Variants in SPATS2 observed in about 807,000 individuals in gnomAD.
SPATS2 encodes the protein spermatogenesis associated serine rich 2.
Under a neutral mutation model 63.7 loss-of-function variants are expected in SPATS2, and 38 were observed. That is an observed-to-expected ratio of 0.60 (90% CI 0.46 to 0.78). The LOEUF is 0.78. Among genes scored for constraint, SPATS2 ranks in the 30% least tolerant of loss-of-function variants. The pLI is 0.00. For synonymous variants in SPATS2, 207 were observed against 232.9 expected, an observed-to-expected ratio of 0.89 and a Z score of 1.01; for missense variants, 588 against 666.2, an observed-to-expected ratio of 0.88 and a Z score of 1.29.
chr12:49,451,811 A>G lies in SPATS2; in HGVS notation c.-243-8959A>G, dbSNP rs527539180. Among the ~76,000 whole-genome samples the G allele has an allele frequency of 1.7e-4, 26 of 152,356 alleles. 1 individual carries two copies. In the South Asian group the frequency reaches 5.2e-3, roughly 30 times the overall value. ...TTCTTGTAAGTCAGGTTTGCAAGCAATGGATTCTCTGTAAGTCTTTGAAAT... is the reference window on the plus strand; with the variant it reads ...TTCTTGTAAGTCAGGTTTGCAAGCAGTGGATTCTCTGTAAGTCTTTGAAAT... On this transcript the variant is annotated intron_variant, in intron 2 of 13. Coordinates refer to ENST00000552918, the MANE Select transcript of SPATS2 (RefSeq NM_023071.4).
chr12:49,485,292 A>C (rs1946272176), intron 4 of SPATS2, among the ~76,000 whole-genome samples: 1 of 151,754 alleles, frequency 6.6e-6, no homozygotes. Flanking sequence ...CTGACCTCGT[A>C]ATCTGCCCAC....
At chr12:49,432,645 A>G (rs1359852746) in intron 2 of SPATS2, among the ~76,000 whole-genome samples, 1 of 152,138 alleles carries the variant, frequency 6.6e-6, no homozygotes, top group Non-Finnish European at 1.5e-5. Flanking sequence ...GAGTTTGACT[A>G]CTTTACCTCA....
chr12:49,410,525 A>T (rs1204813706), intron 2 of SPATS2, among the ~76,000 whole-genome samples: 1 of 152,106 alleles, frequency 6.6e-6, no homozygotes, highest in African/African-American at 2.4e-5. Flanking sequence ...TTTCTCCCCA[A>T]CTTCTACCTG....
At chr12:49,378,667 C>G (rs1244688670) in intron 2 of SPATS2, among the ~76,000 whole-genome samples, 1 of 151,842 alleles carries the variant, frequency 6.6e-6, no homozygotes, top group African/African-American at 2.4e-5. Context: ...ATGATCATGG[C>G]TTACTGCAGC....
At position 49,428,187 on chromosome 12, in the gene SPATS2, G is replaced by A. The variant is rs182424188; in HGVS notation, c.-243-32583G>A. On this transcript the variant is annotated intron_variant, in intron 2 of 13. Coordinates refer to ENST00000552918, the MANE Select transcript of SPATS2 (RefSeq NM_023071.4). ...GGAGAATGGCGTGAACCCAGGAGGC[G>A]GAGCTTGCAGTGAGTCGAGATAGCG... Among the ~76,000 whole-genome samples the A allele has an allele frequency of 3.5e-3, 529 of 152,046 alleles. 4 individuals are homozygous for A. Among genetic ancestry groups the A allele is most frequent in the African/African-American group, 0.012 (487 of 41,472 alleles).
chr12:49,491,162 C>A (rs1036172220), intron 6 of SPATS2: 9 of 159,096 alleles, frequency 5.7e-5, no homozygotes, highest in African/African-American at 9.7e-5. Flanking sequence ...AAAAAAAATT[C>A]TTCGACCTTG....
chr12:49,389,458 G>C (rs1184420576), intron 2 of SPATS2: 8 of 700,422 alleles, frequency 1.1e-5, no homozygotes, highest in Admixed American at 2.2e-5. Flanking sequence ...GAGGCTTTGA[G>C]TCCTCATCGC....
chr12:49,495,011 A>T lies in SPATS2; in HGVS notation c.526+9A>T. 6.5e-7 allele frequency: 1 copy of T among 1,532,666 alleles called. No individual in the cohort carries two copies. Among genetic ancestry groups the T allele is most frequent in the Non-Finnish European group, 8.8e-7 (1 of 1,138,878 alleles). The allele number at this position is 1,532,666 out of a possible 1,614,324, so 94.9% of individuals were successfully genotyped here. A position where few individuals can be genotyped will look rare whatever the true frequency, so the allele number is the denominator to read the frequency against. ...TACGCTGGATAGAACAGGTGAGTTT[A>T]TTAACAGATTTTGAAAAAGTTGCAT... is the stretch of plus-strand genomic sequence containing the variant. On this transcript the variant is annotated intron_variant, in intron 7 of 13. Coordinates refer to ENST00000552918, the MANE Select transcript of SPATS2 (RefSeq NM_023071.4).
intron 6 of SPATS2, among the ~76,000 whole-genome samples, chr12:49,494,283 TA>T (rs1229558567): frequency 6.6e-6 from 1 of 152,250 alleles, no homozygotes; most frequent in Non-Finnish European, 1.5e-5. Flanking sequence ...GCTAATCTAA[TA>T]AATGAAAAAT....
In SPATS2 at chr12:49,500,108, T is replaced by C; in HGVS notation, c.742T>C (p.Cys248Arg). ...AAAATCTGTAAAAGACCTCCAGCGC[T>C]GCACAGTGTCTCTTGCACGGTATCG... is the stretch of plus-strand genomic sequence containing the variant. ...IEKSVKDLQRCTVSLARYRVV... is the reference protein window; with the variant it reads ...IEKSVKDLQRRTVSLARYRVV... Residue 248 changes from cysteine (C) to arginine (R), a missense_variant, in exon 9 of 14, where the codon TGC becomes CGC. Coordinates refer to ENST00000552918, the MANE Select transcript of SPATS2 (RefSeq NM_023071.4). The C allele has an allele frequency of 4.4e-6, 7 of 1,603,194 alleles. No individual in the cohort carries two copies. Among genetic ancestry groups the C allele is most frequent in the Non-Finnish European group, 5.1e-6 (6 of 1,175,624 alleles).
At chr12:49,453,734 G>A (rs1195995901) in intron 2 of SPATS2, among the ~76,000 whole-genome samples, 1 of 151,976 alleles carries the variant, frequency 6.6e-6, no homozygotes, top group Non-Finnish European at 1.5e-5. Context: ...AATCGCTTGA[G>A]CCCAGGAGTT....
chr12:49,380,770 A>G (rs960257301), intron 2 of SPATS2, among the ~76,000 whole-genome samples: 2 of 152,022 alleles, frequency 1.3e-5, no homozygotes, highest in Admixed American at 1.3e-4. Flanking sequence ...ACCTTTGCCT[A>G]CTGTGAAGAA....
Position 49,478,860 on chromosome 12 carries a change from A to G in SPATS2, c.26-5730A>G, listed in dbSNP as rs145798242. Reference sequence around the variant, plus strand: ...TTGTCCTGCATCCAGGAAGAATGACATATACAAAGAAGTGGAAGGTGAACA... The same window carrying G: ...TTGTCCTGCATCCAGGAAGAATGACGTATACAAAGAAGTGGAAGGTGAACA... On this transcript the variant is annotated intron_variant, in intron 3 of 13. Transcript: ENST00000552918. 4.9e-4 allele frequency among the ~76,000 whole-genome samples: 75 copies of G among 152,302 alleles called. No individual in the cohort carries two copies. The South Asian group carries it at 0.012, about 25-fold the overall frequency.
At chr12:49,385,391 G>GTGTGTGTGT (rs1461878066) in intron 2 of SPATS2, among the ~76,000 whole-genome samples, 2 of 114,358 alleles carry the variant, frequency 1.7e-5, no homozygotes, top group African/African-American at 3.7e-5. Flanking sequence ...TGTGTGTGTG[G>GTGTGTGTGT]CAGAGACAGA....
At chr12:49,440,471 A>G (rs1202868469) in intron 2 of SPATS2, among the ~76,000 whole-genome samples, 1 of 136,728 alleles carries the variant, frequency 7.3e-6, no homozygotes, top group Non-Finnish European at 1.5e-5. Context: ...TCATGGCATT[A>G]ATTTTTTTTT....
At chr12:49,496,533 A>G (rs1946466485) in intron 7 of SPATS2, among the ~76,000 whole-genome samples, 1 of 152,218 alleles carries the variant, frequency 6.6e-6, no homozygotes, top group Non-Finnish European at 1.5e-5. Context: ...AGACTTACAT[A>G]GAAACTACCA....
rs369692261 is a variant in SPATS2 at position 49,496,900 on chromosome 12, T to C, written c.594T>C (p.Asn198=). ...CTTTGACTATGCACTCTATTCACAATTCTCAACAACCCAGGAATGCTGCCA... is the reference window on the plus strand; with the variant it reads ...CTTTGACTATGCACTCTATTCACAACTCTCAACAACCCAGGAATGCTGCCA... ...TKSLTMHSIH[N]SQQPRNAAKS... is the part of the protein sequence containing the mutation. The change falls in exon 8 of 14, where the codon AAT becomes AAC. Residue 198 remains asparagine (N), a synonymous_variant. Coordinates refer to ENST00000552918, the MANE Select transcript of SPATS2 (RefSeq NM_023071.4). 13 of 1,613,974 alleles carry C rather than the reference T, an allele frequency of 8.1e-6. No individual in the cohort carries two copies. The highest frequency in any genetic ancestry group is 9.3e-6 in the Non-Finnish European group (11 of 1,179,958).
At chr12:49,525,019 C>A in intron 13 of SPATS2, 123 bp downstream of exon 13, 1 of 973,138 alleles carries the variant, frequency 1.0e-6, no homozygotes, top group Non-Finnish European at 1.5e-6. Context: ...TTTTGAATCC[C>A]TCCAACCCAA....
intron 10 of SPATS2, 85 bp downstream of exon 10, chr12:49,514,698 A>G (rs548053777): frequency 4.3e-6 from 5 of 1,159,440 alleles, no homozygotes; most frequent in African/African-American, 3.1e-5. Flanking sequence ...AAAGTTCCAT[A>G]TAAATACCAT....
Sources: allele counts gnomAD v4.1 joint callset (sites outside exome capture counted in the v4.1 genomes callset), GRCh38; gene constraint gnomAD v4.1.1; transcripts MANE v1.5; gene names NCBI Gene and HGNC (gene_info 2026-07-23, HGNC 2026-07-21).